Variants in PLB1 observed in about 807,000 individuals in gnomAD.
PLB1 encodes phospholipase B1, membrane-associated.
PLB1 carries 242 observed loss-of-function variants against 227.4 expected under a neutral mutation model. The observed-to-expected ratio is 1.06, with a 90% confidence interval of 0.96 to 1.18. The LOEUF is 1.18. Among genes scored for constraint, PLB1 ranks in the 50% most tolerant of loss-of-function variants. The probability of loss-of-function intolerance (pLI) is 0.00; values close to 1 mark genes in which losing one functional copy is unlikely to be tolerated. For synonymous variants in PLB1, 757 were observed against 682.2 expected (o/e 1.11, Z -1.71); for missense variants, 1,858 against 1,816.3 (o/e 1.02, Z -0.42).
chr2:28,589,693 TC>T lies in PLB1; in HGVS notation c.1940del (p.Ser647PhefsTer55). 1 of 1,614,140 alleles carries T rather than the reference TC, an allele frequency of 6.2e-7. No individual in the cohort carries two copies. Among genetic ancestry groups the T allele is most frequent in the South Asian group, 1.1e-5 (1 of 91,080 alleles). On this transcript the variant is annotated frameshift_variant, in exon 28 of 58. Coordinates refer to ENST00000327757, the MANE Select transcript of PLB1 (RefSeq NM_153021.5). LOFTEE classifies it high-confidence loss of function. ...PKTSEGLPDN[S>X]FFAPDCFHFS... ...TGACCAGGAAGGATTGCCTGACAAC[TC>T]TTTCTTCGCTCCTGACTGTTTCCAC...
chr2:28,540,123 G>A (rs1427179344), intron 11 of PLB1, among the ~76,000 whole-genome samples: 3 of 78,154 alleles, frequency 3.8e-5, no homozygotes, highest in Non-Finnish European at 7.6e-5. Context: ...TAGGAAGAAC[G>A]TCCCTCCATC....
At chr2:28,626,379 G>A (rs765994982) in intron 50 of PLB1, 49 bp from the exon 51 acceptor site, 3 of 1,525,614 alleles carry the variant, frequency 2.0e-6, no homozygotes, top group South Asian at 2.2e-5. Context: ...AGCAACATTT[G>A]TATGTGCCTC....
At chr2:28,613,089 TA>T (rs1304673222) in intron 43 of PLB1, among the ~76,000 whole-genome samples, 3 of 152,132 alleles carry the variant, frequency 2.0e-5, no homozygotes, top group East Asian at 1.9e-4. Flanking sequence ...TGAGCTAATT[TA>T]TTTTTTTAAT....
intron 1 of PLB1, among the ~76,000 whole-genome samples, chr2:28,498,445 G>T (rs905964002): frequency 1.3e-5 from 2 of 152,118 alleles, no homozygotes; most frequent in African/African-American, 4.8e-5. Flanking sequence ...ATTTTTTGTA[G>T]AGAAGGAGTT....
At chr2:28,524,194 G>C (rs1669917462) in intron 4 of PLB1, among the ~76,000 whole-genome samples, 1 of 152,184 alleles carries the variant, frequency 6.6e-6, no homozygotes, top group Admixed American at 6.5e-5. Context: ...CGGTGTAGCT[G>C]TCTGCCTGTC....
At chr2:28,539,034 C>T (rs1672097636) in intron 10 of PLB1, 65 bp from the exon 11 acceptor site, 2 of 1,359,436 alleles carry the variant, frequency 1.5e-6, no homozygotes, top group Admixed American at 1.7e-5. Flanking sequence ...AGCAGGAGTT[C>T]CAGAAAGCCC....
chr2:28,571,870 T>TG (rs1467463092), intron 20 of PLB1, among the ~76,000 whole-genome samples: 2 of 152,112 alleles, frequency 1.3e-5, no homozygotes, highest in Non-Finnish European at 2.9e-5. Context: ...TTTATGATCT[T>TG]GAGCTAAACA....
At chr2:28,613,990 T>G in intron 43 of PLB1, 41 bp from the exon 44 acceptor site, 1 of 1,531,552 alleles carries the variant, frequency 6.5e-7, no homozygotes, top group Non-Finnish European at 9.1e-7. Flanking sequence ...CAAACTTCAG[T>G]GCTGTCAGAT....
chr2:28,620,675 G>C, intron 48 of PLB1, 32 bp downstream of exon 48: 1 of 1,613,004 alleles, frequency 6.2e-7, no homozygotes, highest in Non-Finnish European at 8.5e-7. Context: ...CACCATCACT[G>C]TGGCCGTCCT....
chr2:28,543,628 G>C (rs920482214), intron 14 of PLB1, among the ~76,000 whole-genome samples: 17 of 152,196 alleles, frequency 1.1e-4, no homozygotes, highest in Non-Finnish European at 1.8e-4. Context: ...CTCACACTTA[G>C]GCGGTGTTGT....
chr2:28,594,910 A>C (rs900977767), intron 33 of PLB1: 9 of 152,236 alleles, frequency 5.9e-5, no homozygotes, highest in African/African-American at 2.2e-4. Flanking sequence ...GCTTATTACA[A>C]TCAGGAAAGA....
At chr2:28,510,987 CTCA>C (rs990308123) in intron 1 of PLB1, among the ~76,000 whole-genome samples, 8 of 152,142 alleles carry the variant, frequency 5.3e-5, no homozygotes, top group African/African-American at 1.9e-4. Context: ...GTTTCACCAC[CTCA>C]TCCTGCCCAA....
chr2:28,517,983 C>T (rs575461361), intron 2 of PLB1, among the ~76,000 whole-genome samples: 16 of 151,650 alleles, frequency 1.1e-4, no homozygotes, highest in Middle Eastern at 3.4e-3. Context: ...AAGTGATTCT[C>T]GTGCCTCAGC....
intron 25 of PLB1, among the ~76,000 whole-genome samples, chr2:28,583,843 A>C (rs1242586529): frequency 6.9e-6 from 1 of 144,624 alleles, no homozygotes; most frequent in Non-Finnish European, 1.5e-5. Flanking sequence ...GGTAATGCAA[A>C]TATTCCAAAA....
chr2:28,598,153 T>C (rs949799689), intron 34 of PLB1, 105 bp downstream of exon 34: 3 of 951,508 alleles, frequency 3.2e-6, no homozygotes, highest in African/African-American at 1.7e-5. Flanking sequence ...ATCTGCCTTA[T>C]GGCCCAGCAT....
chr2:28,640,046 A>G (rs761474434), intron 56 of PLB1, among the ~76,000 whole-genome samples: 54 of 152,234 alleles, frequency 3.5e-4, no homozygotes, highest in Non-Finnish European at 6.5e-4. Flanking sequence ...TTACTAAGGA[A>G]CGGGTGTAAA....
At chr2:28,525,639 T>C (rs1670142089) in intron 5 of PLB1, among the ~76,000 whole-genome samples, 1 of 152,182 alleles carries the variant, frequency 6.6e-6, no homozygotes, top group Non-Finnish European at 1.5e-5. Flanking sequence ...AGTCTCATTC[T>C]ACCCTGGGGT....
In PLB1 at chr2:28,601,328, A is replaced by T; in HGVS notation, c.2603A>T (p.Asp868Val). The T allele has an allele frequency of 1.9e-6, 3 of 1,613,898 alleles. No individual in the cohort carries two copies. The highest frequency in any genetic ancestry group is 2.5e-6 in the Non-Finnish European group (3 of 1,179,788). Reference protein sequence around the residue: ...GGSDLCDYCTDSNLYSAANFV... With the variant: ...GGSDLCDYCTVSNLYSAANFV... ...AGCGATTTATGTGACTACTGCACAG[A>T]TTCGGTAATTGGGGCCAGGTCCAGG... Residue 868 changes from aspartate (D) to valine (V), a missense_variant, in exon 37 of 58, where the codon GAT becomes GTT. Asp to Val is a radical substitution (Grantham distance 152). Transcript: ENST00000327757.
rs1668788722 is a variant in PLB1 at position 28,515,850 on chromosome 2, G to A, written c.56-958G>A. Reference sequence around the variant, plus strand: ...CTGATTAAATCTCAGTATCATTAATGTATTGTGTAGCTATTGAAATAAGCA... The same window carrying A: ...CTGATTAAATCTCAGTATCATTAATATATTGTGTAGCTATTGAAATAAGCA... On this transcript the variant is annotated intron_variant, in intron 1 of 57. Coordinates refer to ENST00000327757, the MANE Select transcript of PLB1 (RefSeq NM_153021.5). Among the ~76,000 whole-genome samples the A allele has an allele frequency of 3.3e-5, 5 of 152,330 alleles. No individual in the cohort carries two copies. The South Asian group carries it at 1.0e-3, about 32-fold the overall frequency.
Sources: gnomAD v4.1 joint callset for allele counts (sites outside exome capture counted in the v4.1 genomes callset) on GRCh38, gnomAD v4.1.1 for gene constraint, MANE v1.5 for transcripts, NCBI Gene and HGNC (gene_info 2026-07-23, HGNC 2026-07-21) for gene names.